The following SLC35F3 variants were observed in gnomAD, a reference collection of about 807,000 sequenced individuals.
SLC35F3 encodes putative thiamine transporter SLC35F3.
A neutral mutation model predicts 49.9 loss-of-function variants in SLC35F3; 25 were observed. That is an observed-to-expected ratio of 0.50 (90% CI 0.37 to 0.70). The LOEUF is 0.70. Among genes scored for constraint, SLC35F3 ranks in the 30% least tolerant of loss-of-function variants. The probability of loss-of-function intolerance (pLI) is 0.00; values close to 1 mark genes in which losing one functional copy is unlikely to be tolerated. For missense variants in SLC35F3, 525 were observed against 639.8 expected (o/e 0.82, Z 1.94); for synonymous variants, 275 against 265.4 (o/e 1.04, Z -0.35).
At position 233,979,855 on chromosome 1, in the gene SLC35F3, G is replaced by A. The variant is rs544690014; in HGVS notation, c.283+74097G>A. 8.5e-5 allele frequency among the ~76,000 whole-genome samples: 13 copies of A among 152,304 alleles called. No individual in the cohort carries two copies. In the East Asian group the frequency reaches 1.7e-3, roughly 20 times the overall value. On this transcript the variant is annotated intron_variant, in intron 2 of 7. Transcript: ENST00000366618. ...CATGGGAACTCCATCTGGTTCCGTCGTTTGATAGGTGAGGGAGCCCGTGGT... is the reference window on the plus strand; with the variant it reads ...CATGGGAACTCCATCTGGTTCCGTCATTTGATAGGTGAGGGAGCCCGTGGT...
intron 2 of SLC35F3, among the ~76,000 whole-genome samples, chr1:234,031,221 C>A (rs192865898): frequency 7.2e-5 from 11 of 152,092 alleles, no homozygotes; most frequent in Non-Finnish European, 8.8e-5. Context: ...ATTCCACTCA[C>A]GTTCTCAATC....
At chr1:234,091,038 G>C (rs1665037028) in intron 2 of SLC35F3, among the ~76,000 whole-genome samples, 2 of 152,182 alleles carry the variant, frequency 1.3e-5, no homozygotes, top group Admixed American at 6.5e-5. Flanking sequence ...CTTCACTTTA[G>C]CTTTGTTTGT....
At chr1:234,078,208 A>G (rs765394212) in intron 2 of SLC35F3, among the ~76,000 whole-genome samples, 2 of 152,076 alleles carry the variant, frequency 1.3e-5, no homozygotes, top group Non-Finnish European at 2.9e-5. Context: ...TCTTTCTCAT[A>G]TTAAAAATCA....
intron 2 of SLC35F3, among the ~76,000 whole-genome samples, chr1:234,167,738 TATC>T (rs1666340446): frequency 6.6e-6 from 1 of 152,170 alleles, no homozygotes; most frequent in Non-Finnish European, 1.5e-5. Context: ...CGAGAAATCA[TATC>T]ATTTCATCCC....
chr1:233,962,667 C>T (rs1217384999), intron 2 of SLC35F3, among the ~76,000 whole-genome samples: 2 of 152,174 alleles, frequency 1.3e-5, no homozygotes, highest in East Asian at 1.9e-4. Flanking sequence ...CTTCATTCAA[C>T]GTTTCACAGG....
chr1:234,245,279 T>C (rs1667613380), intron 3 of SLC35F3, among the ~76,000 whole-genome samples: 1 of 152,234 alleles, frequency 6.6e-6, no homozygotes, highest in African/African-American at 2.4e-5. Context: ...TCCATCCATG[T>C]TGCTGCAAAT....
At chr1:234,100,253 G>C (rs1429400149) in intron 2 of SLC35F3, among the ~76,000 whole-genome samples, 1 of 152,154 alleles carries the variant, frequency 6.6e-6, no homozygotes, top group Non-Finnish European at 1.5e-5. Context: ...TGAAACCTTT[G>C]TGGAAAGAAC....
chr1:233,950,448 C>T (rs1457856637), intron 2 of SLC35F3, among the ~76,000 whole-genome samples: 2 of 127,822 alleles, frequency 1.6e-5, no homozygotes, highest in Admixed American at 1.7e-4. Context: ...AGAAATGTTT[C>T]CTTCCTTCTT....
At chr1:234,282,913 G>C (rs1668352337) in intron 3 of SLC35F3, among the ~76,000 whole-genome samples, 1 of 152,154 alleles carries the variant, frequency 6.6e-6, no homozygotes, top group South Asian at 2.1e-4. Context: ...AGGTGATTGT[G>C]AAGTCTCCCC....
intron 2 of SLC35F3, among the ~76,000 whole-genome samples, chr1:234,217,438 G>C (rs1421148902): frequency 6.6e-6 from 1 of 152,228 alleles, no homozygotes; most frequent in African/African-American, 2.4e-5. Context: ...CAGATAGATA[G>C]ATAAATTATC....
chr1:234,182,190 C>T (rs1304792674), intron 2 of SLC35F3, among the ~76,000 whole-genome samples: 1 of 152,132 alleles, frequency 6.6e-6, no homozygotes, highest in East Asian at 1.9e-4. Context: ...AAGTCCATTA[C>T]AGTTATTATC....
rs112290570 is a variant in SLC35F3 at position 234,287,975 on chromosome 1, C to T, written c.609-21126C>T. ...AATCATAGCTCACTGTAACCTTGAACGCCTGAGCTCAAGCAGTCCTCCTGC... is the reference window on the plus strand; with the variant it reads ...AATCATAGCTCACTGTAACCTTGAATGCCTGAGCTCAAGCAGTCCTCCTGC... On this transcript the variant is annotated intron_variant, in intron 3 of 7. Coordinates refer to ENST00000366618, the MANE Select transcript of SLC35F3 (RefSeq NM_173508.4). Among the ~76,000 whole-genome samples, 1,458 of 152,238 alleles carry T rather than the reference C, an allele frequency of 9.6e-3. 23 individuals are homozygous for T. Among genetic ancestry groups the T allele is most frequent in the African/African-American group, 0.033 (1,352 of 41,516 alleles).
intron 3 of SLC35F3, among the ~76,000 whole-genome samples, chr1:234,242,660 G>C (rs1667571907): frequency 6.6e-6 from 1 of 152,146 alleles, no homozygotes; most frequent in South Asian, 2.1e-4. Context: ...TCCTAGGCTG[G>C]ATTCTTTGTT....
chr1:234,104,175 T>G (rs1464813010), intron 2 of SLC35F3, among the ~76,000 whole-genome samples: 1 of 152,204 alleles, frequency 6.6e-6, no homozygotes, highest in Non-Finnish European at 1.5e-5. Flanking sequence ...AACCTTATCC[T>G]AGGCTGGAAA....
intron 2 of SLC35F3, among the ~76,000 whole-genome samples, chr1:234,151,297 A>G (rs901771338): frequency 6.6e-6 from 1 of 152,070 alleles, no homozygotes; most frequent in Non-Finnish European, 1.5e-5. Flanking sequence ...TGGAGCTAGC[A>G]TGACTTTCCT....
At chr1:233,909,908 C>G (rs948048387) in intron 2 of SLC35F3, among the ~76,000 whole-genome samples, 13 of 152,318 alleles carry the variant, frequency 8.5e-5, no homozygotes, top group African/African-American at 2.6e-4. Flanking sequence ...GCAGGCCTAC[C>G]TTACAAATTC....
intron 3 of SLC35F3, among the ~76,000 whole-genome samples, chr1:234,270,457 G>T (rs1161939040): frequency 6.6e-6 from 1 of 152,226 alleles, no homozygotes; most frequent in African/African-American, 2.4e-5. Context: ...AGGGGTATGT[G>T]GTTGAGGCAT....
intron 2 of SLC35F3, among the ~76,000 whole-genome samples, chr1:234,111,376 C>T (rs1262985397): frequency 1.3e-5 from 2 of 152,240 alleles, no homozygotes; most frequent in East Asian, 3.9e-4. Context: ...ACTGCAACCT[C>T]CACCTCCCAG....
intron 3 of SLC35F3, among the ~76,000 whole-genome samples, chr1:234,294,847 G>A (rs930358822): frequency 2.6e-5 from 4 of 152,186 alleles, no homozygotes; most frequent in Non-Finnish European, 4.4e-5. Flanking sequence ...AGAGCTCTGT[G>A]GAGGTGGGAG....
Sources: gnomAD v4.1 joint callset for allele counts (sites outside exome capture counted in the v4.1 genomes callset) on GRCh38, gnomAD v4.1.1 for gene constraint, MANE v1.5 for transcripts, NCBI Gene and HGNC (gene_info 2026-07-23, HGNC 2026-07-21) for gene names.